Variants in CORIN observed in about 807,000 individuals in gnomAD.
CORIN encodes the protein atrial natriuretic peptide-converting enzyme.
Under a neutral mutation model 125.3 loss-of-function variants are expected in CORIN, and 117 were observed. The observed-to-expected ratio is 0.93, with a 90% CI of 0.80 to 1.09. CORIN has a LOEUF of 1.09. Among genes scored for constraint, CORIN ranks in the 50% least tolerant of loss-of-function variants. The pLI is 0.00. For synonymous variants in CORIN, 450 were observed against 466.4 expected (o/e 0.96, Z 0.45); for missense variants, 1,253 against 1,306.7 (o/e 0.96, Z 0.63).
intron 5 of CORIN, among the ~76,000 whole-genome samples, chr4:47,707,439 C>G (rs1407002981): frequency 6.6e-6 from 1 of 152,022 alleles, no homozygotes; most frequent in Admixed American, 6.6e-5. Context: ...AAAATATTTC[C>G]CAGCTGAAAT....
At chr4:47,699,085 T>C (rs1306053793) in intron 5 of CORIN, among the ~76,000 whole-genome samples, 2 of 152,230 alleles carry the variant, frequency 1.3e-5, no homozygotes, top group African/African-American at 4.8e-5. Flanking sequence ...AGGCAATATA[T>C]GACTGACAGT....
intron 17 of CORIN, among the ~76,000 whole-genome samples, chr4:47,625,447 G>C (rs2109560733): frequency 6.6e-6 from 1 of 151,972 alleles, no homozygotes; most frequent in Non-Finnish European, 1.5e-5. Flanking sequence ...TTATTTACTT[G>C]ACCTGAAAGG....
At chr4:47,598,295 C>T (rs13150235) in intron 21 of CORIN, among the ~76,000 whole-genome samples, 81,604 of 151,796 alleles carry the variant, frequency 0.54, 23,061 homozygotes, top group African/African-American at 0.7. Flanking sequence ...AAAATTTGCT[C>T]CTGATATAGT....
At chr4:47,656,301 G>A (rs1282447968) in intron 12 of CORIN, among the ~76,000 whole-genome samples, 10 of 151,730 alleles carry the variant, frequency 6.6e-5, no homozygotes, top group Non-Finnish European at 8.8e-5. Flanking sequence ...GATTACAGGC[G>A]CCTGCCACCA....
At chr4:47,634,622 G>A (rs570150751) in intron 16 of CORIN, among the ~76,000 whole-genome samples, 20 of 152,252 alleles carry the variant, frequency 1.3e-4, no homozygotes, top group African/African-American at 4.1e-4. Flanking sequence ...TGACAAAAGC[G>A]AAACTCTGTC....
chr4:47,734,796 C>A lies in CORIN; in HGVS notation c.799+9606G>T, dbSNP rs565863390. ...ATGTACATTGTAGGATGTTTGGCAG[C>A]ATATCTTGCCTCTACCTACTAGGTG... On this transcript the variant is annotated intron_variant, in intron 5 of 21. Transcript: ENST00000273857. Among the ~76,000 whole-genome samples, 8 of 152,316 alleles carry A rather than the reference C, an allele frequency of 5.3e-5. No individual in the cohort carries two copies. In the South Asian group the frequency reaches 1.7e-3, roughly 32 times the overall value.
At chr4:47,767,470 T>C (rs1353984198) in intron 3 of CORIN, among the ~76,000 whole-genome samples, 1 of 152,062 alleles carries the variant, frequency 6.6e-6, no homozygotes, top group African/African-American at 2.4e-5. Flanking sequence ...TAACAATAAC[T>C]GAAAATGTCG....
chr4:47,602,786 T>G (rs1427598421), intron 20 of CORIN, among the ~76,000 whole-genome samples: 1 of 152,210 alleles, frequency 6.6e-6, no homozygotes, highest in Admixed American at 6.5e-5. Context: ...GCACAGCAGA[T>G]GAAGTGTGAC....
At chr4:47,720,339 C>T (rs1727289198) in intron 5 of CORIN, among the ~76,000 whole-genome samples, 2 of 152,198 alleles carry the variant, frequency 1.3e-5, no homozygotes, top group African/African-American at 2.4e-5. Context: ...ATATTTCATA[C>T]ATCTTGTTCA....
rs953071869 is a variant in CORIN, at chr4:47,644,062, CT to C, written c.1958-807del. Among the ~76,000 whole-genome samples the C allele has an allele frequency of 3.9e-5, 6 of 152,116 alleles. No homozygotes were observed. In the East Asian group the frequency reaches 9.6e-4, roughly 24 times the overall value. ...AGGAACAACCTGGAGAAAACAGCAC[CT>C]TTTTTTTGATTGGTTCTCCCTGCGT... is the stretch of plus-strand genomic sequence containing the variant. On this transcript the variant is annotated intron_variant, in intron 14 of 21. Transcript: ENST00000273857.
chr4:47,819,106 A>C (rs1026629581), intron 1 of CORIN, among the ~76,000 whole-genome samples: 11 of 152,160 alleles, frequency 7.2e-5, no homozygotes, highest in Non-Finnish European at 1.3e-4. Context: ...CAAAAATGAA[A>C]AATATTTAAA....
intron 5 of CORIN, among the ~76,000 whole-genome samples, chr4:47,740,319 C>T (rs1346792376): frequency 1.3e-5 from 2 of 151,780 alleles, no homozygotes; most frequent in Non-Finnish European, 3.0e-5. Flanking sequence ...CTTTGTAAGT[C>T]TTGTATTTCC....
intron 5 of CORIN, among the ~76,000 whole-genome samples, chr4:47,718,666 A>G (rs13140912): frequency 0.098 from 14,967 of 152,226 alleles, 866 homozygotes; most frequent in East Asian, 0.27. Context: ...ATCAAATACA[A>G]TGAATCCCAC....
At chr4:47,705,178 G>T (rs1726491665) in intron 5 of CORIN, among the ~76,000 whole-genome samples, 1 of 152,140 alleles carries the variant, frequency 6.6e-6, no homozygotes, top group Non-Finnish European at 1.5e-5. Context: ...CCCCCTGACT[G>T]GTTTATCAGA....
intron 7 of CORIN, chr4:47,682,593 T>C (rs1725341501): frequency 6.6e-6 from 1 of 152,132 alleles, no homozygotes; most frequent in South Asian, 2.1e-4. Context: ...TTCAAATAAC[T>C]AAATGAGAAG....
chr4:47,640,435 C>A (rs542752865), intron 16 of CORIN, among the ~76,000 whole-genome samples: 1 of 152,194 alleles, frequency 6.6e-6, no homozygotes, highest in South Asian at 2.1e-4. Flanking sequence ...CCAGAATAGG[C>A]CAATTTATAG....
At chr4:47,654,612 G>A (rs190885133) in intron 12 of CORIN, among the ~76,000 whole-genome samples, 13 of 152,304 alleles carry the variant, frequency 8.5e-5, no homozygotes, top group African/African-American at 3.1e-4. Context: ...TGCATGGAGG[G>A]AGCATTTAGA....
chr4:47,686,877 C>T (rs539617873), intron 6 of CORIN, among the ~76,000 whole-genome samples: 2 of 152,128 alleles, frequency 1.3e-5, no homozygotes, highest in African/African-American at 2.4e-5. Flanking sequence ...GAATCAAATA[C>T]CCCTTTCAGA....
intron 12 of CORIN, among the ~76,000 whole-genome samples, chr4:47,655,674 G>A (rs1723941612): frequency 6.6e-6 from 1 of 152,100 alleles, no homozygotes; most frequent in South Asian, 2.1e-4. Flanking sequence ...AAATTCAAAG[G>A]ATCATCAGAG....
Sources: gnomAD v4.1 joint callset for allele counts (sites outside exome capture counted in the v4.1 genomes callset) on GRCh38, gnomAD v4.1.1 for gene constraint, MANE v1.5 for transcripts, NCBI Gene and HGNC (gene_info 2026-07-23, HGNC 2026-07-21) for gene names.